Variants in C11orf65 observed in about 807,000 individuals in gnomAD.
C11orf65 encodes the protein chromosome 11 open reading frame 65.
A neutral mutation model predicts 35.3 loss-of-function variants in C11orf65; 38 were observed. The ratio of observed to expected loss-of-function variants is 1.08; its 90% confidence interval spans 0.83 to 1.41. The LOEUF is 1.41. C11orf65 is among the 40% of genes most tolerant of loss of function. The pLI, the probability that C11orf65 is intolerant of heterozygous loss-of-function variation, is 0.00. For missense variants in C11orf65, 370 were observed against 367.1 expected, an observed-to-expected ratio of 1.01 and a Z score of -0.06; for synonymous variants, 105 against 114.4, an observed-to-expected ratio of 0.92 and a Z score of 0.53.
chr11:108,384,001 T>A (rs1185049326), intron 8 of C11orf65, among the ~76,000 whole-genome samples: 2 of 151,854 alleles, frequency 1.3e-5, no homozygotes, highest in Non-Finnish European at 2.9e-5. Flanking sequence ...TAGCAAGGAC[T>A]ACAGGTGTAT....
Position 108,370,651 on chromosome 11 carries a change from T to C in C11orf65, c.226+22557A>G, listed in dbSNP as rs542465127. ...TTTTTTAATGTGTGTATTTCCCTTA[T>C]CAGATTAAAGAAGTTCCTTTCTGTC... is the stretch of plus-strand genomic sequence containing the variant. On this transcript the variant is annotated intron_variant, in intron 2 of 3. Coordinates refer to the C11orf65 transcript ENST00000524755. Among the ~76,000 whole-genome samples the C allele has an allele frequency of 1.4e-4, 21 of 151,978 alleles. No homozygotes were observed. The South Asian group carries it at 3.1e-3, about 23-fold the overall frequency.
chr11:108,376,998 A>T (rs1039891346), intron 2 of C11orf65, among the ~76,000 whole-genome samples: 17 of 151,734 alleles, frequency 1.1e-4, no homozygotes, highest in African/African-American at 3.7e-4. Flanking sequence ...ATAGCTTACC[A>T]ACAAAAAAGA....
chr11:108,407,717 G>A (rs1239082092), intron 3 of C11orf65, among the ~76,000 whole-genome samples: 1 of 151,252 alleles, frequency 6.6e-6, no homozygotes. Context: ...GGCCGAGGTG[G>A]GTGGATAATG....
chr11:108,329,654 G>A (rs962631053), downstream of C11orf65, among the ~76,000 whole-genome samples: 1 of 152,090 alleles, frequency 6.6e-6, no homozygotes, highest in Non-Finnish European at 1.5e-5. Context: ...CAAACGATCT[G>A]CCCACCTTGG....
In C11orf65 at chr11:108,320,073, CAA is replaced by C; in HGVS notation, c.641-11004_641-11003del. ...AAATATGCCAGGTATTATGAAAAGA[CAA>C]AGTTACTGTATTTTAACATTTAATG... On this transcript the variant is annotated intron_variant, in intron 6 of 6. Coordinates refer to the C11orf65 transcript ENST00000525729. The C allele has an allele frequency of 6.5e-7, 1 of 1,531,014 alleles. No individual in the cohort carries two copies. The highest frequency in any genetic ancestry group is 9.1e-7 in the Non-Finnish European group (1 of 1,104,892). The allele number at this position is 1,531,014 out of a possible 1,614,324, so 94.8% of individuals were successfully genotyped here.
chr11:108,419,900 G>C (rs1489907617), intron 3 of C11orf65, among the ~76,000 whole-genome samples: 4 of 152,158 alleles, frequency 2.6e-5, no homozygotes, highest in African/African-American at 9.7e-5. Flanking sequence ...GAAGGCTCTA[G>C]CCAGTGTATA....
intron 2 of C11orf65, among the ~76,000 whole-genome samples, chr11:108,441,203 C>A (rs2093148162): frequency 1.3e-5 from 2 of 152,222 alleles, no homozygotes; most frequent in Admixed American, 6.5e-5. Context: ...GGTCCCACAC[C>A]CACGGAACCT....
chr11:108,338,886 C>T (rs949448212), intron 2 of C11orf65, among the ~76,000 whole-genome samples: 12 of 152,136 alleles, frequency 7.9e-5, no homozygotes, highest in African/African-American at 2.9e-4. Context: ...CCCTAGACTA[C>T]AGCGAAGTAG....
chr11:108,386,034 C>A, intron 7 of C11orf65, 59 bp from the exon 8 acceptor site: 1 of 1,390,890 alleles, frequency 7.2e-7, no homozygotes, highest in Non-Finnish European at 1.0e-6. Flanking sequence ...CATACTTAGA[C>A]TACTTCTAAA....
At chr11:108,407,252 C>T in intron 3 of C11orf65, 103 bp from the exon 4 acceptor site, 3 of 848,240 alleles carry the variant, frequency 3.5e-6, no homozygotes, top group Non-Finnish European at 5.2e-6. Context: ...TAAATATTGA[C>T]TATTTAGGAA....
At chr11:108,369,055 C>A (rs2091468890) in intron 2 of C11orf65, 1 of 175,144 alleles carries the variant, frequency 5.7e-6, no homozygotes, top group Non-Finnish European at 1.2e-5. Flanking sequence ...TTTACTGTTA[C>A]CTGAATTTAT....
At chr11:108,365,628 T>C in intron 2 of C11orf65, 4 of 1,266,196 alleles carry the variant, frequency 3.2e-6, no homozygotes, top group Non-Finnish European at 4.4e-6. Flanking sequence ...TTGTGGGTTT[T>C]TTTGAATGTT....
chr11:108,396,513 A>C (rs911534027), intron 6 of C11orf65, among the ~76,000 whole-genome samples: 4 of 151,984 alleles, frequency 2.6e-5, no homozygotes, highest in African/African-American at 9.7e-5. Context: ...AAATAATTTA[A>C]TTCTCAGGTT....
At chr11:108,357,706 G>T (rs1385506044) in intron 2 of C11orf65, among the ~76,000 whole-genome samples, 1 of 152,036 alleles carries the variant, frequency 6.6e-6, no homozygotes, top group East Asian at 1.9e-4. Flanking sequence ...ACACGGCAGG[G>T]TACTCCAACA....
intron 8 of C11orf65, among the ~76,000 whole-genome samples, 188 bp downstream of exon 8, chr11:108,385,726 CTTAAAT>C (rs2091979591): frequency 1.3e-5 from 2 of 151,740 alleles, no homozygotes; most frequent in African/African-American, 4.8e-5. Flanking sequence ...TTTATTCAAA[CTTAAAT>C]AATATAGGAC....
intron 2 of C11orf65, chr11:108,336,548 T>C (rs2086880891): frequency 6.5e-6 from 1 of 153,802 alleles, no homozygotes; most frequent in Non-Finnish European, 1.4e-5. Flanking sequence ...ATGTAGTTTT[T>C]TATACAAGTC....
chr11:108,427,898 TC>T (rs1197419619), intron 3 of C11orf65, among the ~76,000 whole-genome samples: 1 of 112,292 alleles, frequency 8.9e-6, no homozygotes, highest in Non-Finnish European at 1.8e-5. Context: ...TGGCGGGATC[TC>T]GGCTCACTGC....
At chr11:108,410,502 C>T (rs919039935) in intron 3 of C11orf65, among the ~76,000 whole-genome samples, 1 of 152,072 alleles carries the variant, frequency 6.6e-6, no homozygotes, top group African/African-American at 2.4e-5. Flanking sequence ...TAAAGGCACG[C>T]ACCATCGTGA....
intron 5 of C11orf65, 53 bp downstream of exon 5, chr11:108,406,710 C>T: frequency 1.8e-6 from 2 of 1,125,210 alleles, no homozygotes; most frequent in Admixed American, 4.9e-5. Flanking sequence ...TTTGAAAAGA[C>T]AAATGGGTTT....
Sources: allele counts gnomAD v4.1 joint callset (sites outside exome capture counted in the v4.1 genomes callset), GRCh38; gene constraint gnomAD v4.1.1; transcripts MANE v1.5; gene names NCBI Gene and HGNC (gene_info 2026-07-23, HGNC 2026-07-21).